Variants in TAFA5 observed in about 807,000 individuals in gnomAD.
TAFA5 encodes chemokine-like protein TAFA-5.
In TAFA5, 6 loss-of-function variants were observed where a neutral mutation model predicts 15.3. That is an observed-to-expected ratio of 0.39 (90% CI 0.21 to 0.77). The LOEUF is 0.77. Among genes scored for constraint, TAFA5 ranks in the 30% least tolerant of loss-of-function variants. TAFA5 has a pLI of 0.41. For missense variants in TAFA5, 161 were observed against 193.1 expected (o/e 0.83, Z 0.98); for synonymous variants, 103 against 80.7 (o/e 1.28, Z -1.48).
intron 1 of TAFA5, among the ~76,000 whole-genome samples, chr22:48,591,950 G>T (rs1004964581): frequency 5.3e-5 from 8 of 152,178 alleles, no homozygotes; most frequent in African/African-American, 9.6e-5. Context: ...CAGCCTCACG[G>T]CCCTGAGCGC....
intron 1 of TAFA5, among the ~76,000 whole-genome samples, chr22:48,634,289 T>C (rs140233134): frequency 6.6e-6 from 1 of 151,704 alleles, no homozygotes; most frequent in East Asian, 1.9e-4. Context: ...TCATCACTCA[T>C]TCGTTAACTC....
Position 48,525,635 on chromosome 22 carries a change from C to G in TAFA5, c.112+35931C>G, listed in dbSNP as rs62223629. Reference sequence around the variant, plus strand: ...CCTGGGGGCTTGTGGACCAACAGATCGCTGGACTGAACCCATGGTTTCTGA... The same window carrying G: ...CCTGGGGGCTTGTGGACCAACAGATGGCTGGACTGAACCCATGGTTTCTGA... On this transcript the variant is annotated intron_variant, in intron 1 of 3. Coordinates refer to ENST00000402357, the MANE Select transcript of TAFA5 (RefSeq NM_001082967.3). Among the ~76,000 whole-genome samples, 18 of 152,238 alleles carry G rather than the reference C, an allele frequency of 1.2e-4. No individual in the cohort carries two copies. In the South Asian group the frequency reaches 1.9e-3, roughly 16 times the overall value.
At position 48,521,758 on chromosome 22, in the gene TAFA5, G is replaced by A. The variant is rs910894903; in HGVS notation, c.112+32054G>A. Reference sequence around the variant, plus strand: ...ACCACCTGGAACTGCCCCAATCTTCGTTGAATTTGTCATTAAAGCATCGTG... The same window carrying A: ...ACCACCTGGAACTGCCCCAATCTTCATTGAATTTGTCATTAAAGCATCGTG... On this transcript the variant is annotated intron_variant, in intron 1 of 3. Coordinates refer to ENST00000402357, the MANE Select transcript of TAFA5 (RefSeq NM_001082967.3). Among the ~76,000 whole-genome samples, 5 of 152,264 alleles carry A rather than the reference G, an allele frequency of 3.3e-5. No individual in the cohort carries two copies. The East Asian group carries it at 5.8e-4, about 18-fold the overall frequency.
At chr22:48,572,938 A>G (rs1247594056) in intron 1 of TAFA5, among the ~76,000 whole-genome samples, 3 of 152,352 alleles carry the variant, frequency 2.0e-5, no homozygotes, top group South Asian at 4.1e-4. Flanking sequence ...TACTGCCTAC[A>G]TGCCTAACTG....
chr22:48,524,826 G>A (rs1569167436), intron 1 of TAFA5, among the ~76,000 whole-genome samples: 2 of 152,148 alleles, frequency 1.3e-5, no homozygotes, highest in Admixed American at 6.5e-5. Flanking sequence ...GCTGGGAAAC[G>A]TGGAGTCTTC....
rs78311848 is a variant in TAFA5 at position 48,708,194 on chromosome 22, G to A, written c.390+350G>A. Among the ~76,000 whole-genome samples the A allele has an allele frequency of 2.1e-3, 315 of 152,322 alleles. 5 individuals are homozygous for A. The East Asian group carries it at 0.021, about 10-fold the overall frequency. On this transcript the variant is annotated intron_variant, in intron 3 of 3. Transcript: ENST00000402357. ...GCCCGTGATTTTGCAGGCTGGAGGA[G>A]GCATCCGCCCCTCCTGAAGATGAAC...
At chr22:48,705,198 G>C (rs1929040657) in intron 2 of TAFA5, among the ~76,000 whole-genome samples, 1 of 152,092 alleles carries the variant, frequency 6.6e-6, no homozygotes, top group South Asian at 2.1e-4. Context: ...GCCATGCCCG[G>C]CTGGTGGACG....
chr22:48,660,857 CT>C (rs1363513194), intron 2 of TAFA5, among the ~76,000 whole-genome samples: 1 of 152,136 alleles, frequency 6.6e-6, no homozygotes, highest in Non-Finnish European at 1.5e-5. Context: ...ACTCTCAGAG[CT>C]CCTGGCCCTG....
At position 48,576,662 on chromosome 22, in the gene TAFA5, C is replaced by G. The variant is rs1475740036; in HGVS notation, c.113-69935C>G. On this transcript the variant is annotated intron_variant, in intron 1 of 3. Coordinates refer to ENST00000402357, the MANE Select transcript of TAFA5 (RefSeq NM_001082967.3). ...CCGACCCGGCTTCCAGCACGTTCCG[C>G]TGCCGCCGCGCTCGGCTGAGGCTCG... The G allele has an allele frequency of 2.4e-6, 3 of 1,226,796 alleles. No individual in the cohort carries two copies. The East Asian group carries it at 1.0e-4, about 43-fold the overall frequency. 76.0% of individuals were successfully genotyped at this position (1,226,796 alleles called of 1,614,324 possible).
chr22:48,569,709 G>T (rs370162607), intron 1 of TAFA5, among the ~76,000 whole-genome samples: 2 of 152,222 alleles, frequency 1.3e-5, no homozygotes, highest in East Asian at 3.9e-4. Context: ...GGAAGTGCAT[G>T]CTGACCTGAC....
chr22:48,508,670 T>C lies in TAFA5; in HGVS notation c.112+18966T>C, dbSNP rs1921100410. Among the ~76,000 whole-genome samples the C allele has an allele frequency of 3.3e-5, 5 of 152,344 alleles. 1 individual carries two copies. The South Asian group carries it at 1.0e-3, about 32-fold the overall frequency. Reference sequence around the variant, plus strand: ...AGTTGCCCCACAGCTGATATTTTTCTCTTTTTGTTTTTAGTTGGCGTAAAA... The same window carrying C: ...AGTTGCCCCACAGCTGATATTTTTCCCTTTTTGTTTTTAGTTGGCGTAAAA... On this transcript the variant is annotated intron_variant, in intron 1 of 3. Coordinates refer to ENST00000402357, the MANE Select transcript of TAFA5 (RefSeq NM_001082967.3).
At chr22:48,597,098 C>T (rs1372963260) in intron 1 of TAFA5, among the ~76,000 whole-genome samples, 2 of 152,214 alleles carry the variant, frequency 1.3e-5, no homozygotes, top group Non-Finnish European at 2.9e-5. Context: ...TGAGTCACCA[C>T]AGCCGGCCAG....
At chr22:48,537,080 G>A (rs934803857) in intron 1 of TAFA5, among the ~76,000 whole-genome samples, 8 of 152,306 alleles carry the variant, frequency 5.3e-5, no homozygotes, top group African/African-American at 1.7e-4. Flanking sequence ...AAACCCCCTC[G>A]GCCTCCCGGT....
At chr22:48,611,180 C>T (rs954829555) in intron 1 of TAFA5, among the ~76,000 whole-genome samples, 1 of 152,214 alleles carries the variant, frequency 6.6e-6, no homozygotes, top group Non-Finnish European at 1.5e-5. Flanking sequence ...AGCGATCCGC[C>T]CGCCTTGGCC....
intron 3 of TAFA5, among the ~76,000 whole-genome samples, chr22:48,737,944 T>C (rs1930077765): frequency 6.6e-6 from 1 of 151,980 alleles, no homozygotes; most frequent in East Asian, 1.9e-4. Flanking sequence ...CTGTTGTGCC[T>C]CCTGCGGTTG....
chr22:48,711,837 T>A (rs1307392913), intron 3 of TAFA5, among the ~76,000 whole-genome samples: 1 of 152,012 alleles, frequency 6.6e-6, no homozygotes, highest in East Asian at 1.9e-4. Flanking sequence ...ATCGCGCCGA[T>A]CCCCCGTCAC....
At chr22:48,601,404 G>T (rs1056666318) in intron 1 of TAFA5, among the ~76,000 whole-genome samples, 2 of 151,886 alleles carry the variant, frequency 1.3e-5, no homozygotes, top group African/African-American at 4.8e-5. Flanking sequence ...TTGGCTCACC[G>T]CAACCTCTGC....
chr22:48,583,514 C>T (rs1924179776), intron 1 of TAFA5, among the ~76,000 whole-genome samples: 8 of 150,168 alleles, frequency 5.3e-5, no homozygotes, highest in Admixed American at 5.3e-4. Context: ...TGCAACCAAA[C>T]ACAAAATATA....
chr22:48,724,839 T>A (rs1243509043), intron 3 of TAFA5, among the ~76,000 whole-genome samples: 1 of 152,218 alleles, frequency 6.6e-6, no homozygotes, highest in East Asian at 1.9e-4. Flanking sequence ...GGGCATCCCC[T>A]GCTCGGTCCT....
Sources: allele counts gnomAD v4.1 joint callset (sites outside exome capture counted in the v4.1 genomes callset), GRCh38; gene constraint gnomAD v4.1.1; transcripts MANE v1.5; gene names NCBI Gene and HGNC (gene_info 2026-07-23, HGNC 2026-07-21).